The following VPS26C variants were observed in gnomAD, a reference collection of about 807,000 sequenced individuals.
The protein encoded by VPS26C is VPS26 endosomal protein sorting factor C.
Under a neutral mutation model 30.6 loss-of-function variants are expected in VPS26C, and 19 were observed. The ratio of observed to expected loss-of-function variants is 0.62; its 90% CI spans 0.43 to 0.91. The LOEUF (loss-of-function observed/expected upper bound fraction) is 0.91, where lower values mean the gene tolerates loss of function less well. Among genes scored for constraint, VPS26C ranks in the 40% least tolerant of loss-of-function variants. The probability of loss-of-function intolerance (pLI) is 0.00; values close to 1 mark genes in which losing one functional copy is unlikely to be tolerated. For missense variants in VPS26C, 318 were observed against 385.1 expected (o/e 0.83, Z 1.46); for synonymous variants, 132 against 151.5 (o/e 0.87, Z 0.95).
chr21:37,265,462 T>C (rs1330872832), intron 1 of VPS26C, among the ~76,000 whole-genome samples: 2 of 152,210 alleles, frequency 1.3e-5, no homozygotes, highest in Non-Finnish European at 2.9e-5. Flanking sequence ...TACTTCAGCA[T>C]GTGGAGTATT....
At chr21:37,260,604 C>A (rs1191195097) in intron 1 of VPS26C, among the ~76,000 whole-genome samples, 1 of 152,142 alleles carries the variant, frequency 6.6e-6, no homozygotes, top group Non-Finnish European at 1.5e-5. Flanking sequence ...ATGCTGCAAG[C>A]TTGGAGAAAG....
rs1418133843 is a variant in VPS26C, at chr21:37,266,947, A to ACCCTTG, written c.57+290_57+291insCAAGGG. 4 of 405,914 alleles carry ACCCTTG rather than the reference A, an allele frequency of 9.9e-6. No individual in the cohort carries two copies. The Admixed American group carries it at 1.9e-4, about 20-fold the overall frequency. The allele number at this position is 405,914 out of a possible 1,614,324, so 25.1% of individuals were successfully genotyped here. On this transcript the variant is annotated intron_variant, in intron 1 of 7. Transcript: ENST00000309117. ...GAGAACCCAACACCGCCGGGTGTTC[A>ACCCTTG]AGGGGCCAGATGGGAAGAGCGCAGC...
chr21:37,261,082 T>C (rs563875908), intron 1 of VPS26C: 4 of 152,196 alleles, frequency 2.6e-5, no homozygotes, highest in Admixed American at 1.3e-4. Context: ...AATACAAAGA[T>C]AAACAAAACC....
chr21:37,233,641 A>G lies in VPS26C; in HGVS notation c.352-199T>C, dbSNP rs2085990006. 6.6e-6 allele frequency among the ~76,000 whole-genome samples: 1 copy of G among 152,244 alleles called. No individual in the cohort carries two copies. Among genetic ancestry groups the G allele is most frequent in the Non-Finnish European group, 1.5e-5 (1 of 68,042 alleles). ...AAATAAAGGCATTTCTGTTTTAAAA[A>G]TGAACCACTTTAAGGTTATTCTTCA... On this transcript the variant is annotated intron_variant, in intron 3 of 7. Coordinates refer to ENST00000309117, the MANE Select transcript of VPS26C (RefSeq NM_006052.2). This position sits in a 1 kb window ranked among gnomAD's most constrained non-coding sequence, Gnocchi z 5.2.
At chr21:37,247,991 C>G (rs577513024) in intron 1 of VPS26C, among the ~76,000 whole-genome samples, 1 of 151,976 alleles carries the variant, frequency 6.6e-6, no homozygotes, top group Admixed American at 6.6e-5. Context: ...GGCAGCATAG[C>G]GAGACCCTGT....
intron 1 of VPS26C, among the ~76,000 whole-genome samples, chr21:37,243,197 C>T (rs1466351191): frequency 6.6e-6 from 1 of 152,122 alleles, no homozygotes; most frequent in African/African-American, 2.4e-5. Flanking sequence ...TTCGTCTAGA[C>T]TTTCATCAGG....
intron 1 of VPS26C, among the ~76,000 whole-genome samples, chr21:37,245,824 A>T (rs1016778497): frequency 1.3e-5 from 2 of 152,340 alleles, no homozygotes; most frequent in Middle Eastern, 6.8e-3. Flanking sequence ...GATGAACACA[A>T]AACAGAGCTA....
In VPS26C at chr21:37,225,267, A is replaced by G; in HGVS notation, c.*277T>C. On this transcript the variant is annotated 3_prime_UTR_variant, in exon 8 of 8. Coordinates refer to ENST00000309117, the MANE Select transcript of VPS26C (RefSeq NM_006052.2). ...GTACCTAAAAAGGAACAGATAAGGC[A>G]AGAGCCACAGTCAATGTTTTCTGTG... The G allele has an allele frequency of 2.0e-6, 1 of 488,688 alleles. No individual in the cohort carries two copies. Among genetic ancestry groups the G allele is most frequent in the Non-Finnish European group, 3.7e-6 (1 of 267,316 alleles). 30.3% of individuals were successfully genotyped at this position (488,688 alleles called of 1,614,324 possible).
chr21:37,261,438 T>C (rs573085215), intron 1 of VPS26C: 1 of 152,342 alleles, frequency 6.6e-6, no homozygotes, highest in Non-Finnish European at 1.5e-5. Context: ...TTGATTGTCA[T>C]TCCCATGTTA....
intron 1 of VPS26C, among the ~76,000 whole-genome samples, chr21:37,248,852 A>G (rs1175076766): frequency 6.6e-6 from 1 of 152,168 alleles, no homozygotes; most frequent in Non-Finnish European, 1.5e-5. Context: ...GTCCTAAATA[A>G]AATATTAGCA....
At chr21:37,240,098 A>C (rs539335405) in intron 2 of VPS26C, among the ~76,000 whole-genome samples, 149 of 152,318 alleles carry the variant, frequency 9.8e-4, no homozygotes, top group African/African-American at 3.2e-3. Flanking sequence ...CAATAAAGGC[A>C]CACAGCAAGT....
chr21:37,223,729 A>G lies in VPS26C; in HGVS notation c.*1815T>C, dbSNP rs1277910941. 1 of 152,280 alleles carries G rather than the reference A, an allele frequency of 6.6e-6. No homozygotes were observed. The highest frequency in any genetic ancestry group is 1.5e-5 in the Non-Finnish European group (1 of 68,056). 9.4% of individuals were successfully genotyped at this position (152,280 alleles called of 1,614,324 possible). A position where few individuals can be genotyped will look rare whatever the true frequency, so the allele number is the denominator to read the frequency against. On this transcript the variant is annotated 3_prime_UTR_variant, in exon 8 of 8. Transcript: ENST00000309117. Reference sequence around the variant, plus strand: ...TTAATTTCATGGGTGAAGCCCCTGGATAAAGCAGTGCCTAAATCAGGCTTG... The same window carrying G: ...TTAATTTCATGGGTGAAGCCCCTGGGTAAAGCAGTGCCTAAATCAGGCTTG...
intron 1 of VPS26C, among the ~76,000 whole-genome samples, chr21:37,264,390 G>A (rs1359397472): frequency 6.6e-6 from 1 of 152,160 alleles, no homozygotes; most frequent in Non-Finnish European, 1.5e-5. Context: ...GTGACCCGCA[G>A]GAAGTGGTCC....
intron 1 of VPS26C, among the ~76,000 whole-genome samples, chr21:37,255,218 C>G (rs541771868): frequency 6.6e-6 from 1 of 152,126 alleles, no homozygotes; most frequent in Non-Finnish European, 1.5e-5. Context: ...TTCTGCCCAT[C>G]GGTTCCTAAT....
intron 5 of VPS26C, among the ~76,000 whole-genome samples, chr21:37,230,016 GCCACCACAC>G (rs2085945217): frequency 6.6e-6 from 1 of 152,124 alleles, no homozygotes; most frequent in African/African-American, 2.4e-5. Flanking sequence ...ACGATCGCAT[GCCACCACAC>G]CCAGCTAATT....
intron 1 of VPS26C, among the ~76,000 whole-genome samples, chr21:37,248,449 A>C (rs1384294959): frequency 6.6e-6 from 1 of 152,170 alleles, no homozygotes; most frequent in African/African-American, 2.4e-5. Flanking sequence ...AATGGAGGTA[A>C]TTAAAAGATA....
chr21:37,248,985 G>A (rs2096496), intron 1 of VPS26C, among the ~76,000 whole-genome samples: 49,042 of 151,912 alleles, frequency 0.32, 8,275 homozygotes, highest in East Asian at 0.49. Context: ...TAGCTATTAA[G>A]AGAAAAATTA....
rs1196494969 is a variant in VPS26C, at chr21:37,257,818, C to T, written c.57+9420G>A. 6.6e-6 allele frequency among the ~76,000 whole-genome samples: 1 copy of T among 152,148 alleles called. No individual in the cohort carries two copies. Among genetic ancestry groups the T allele is most frequent in the Non-Finnish European group, 1.5e-5 (1 of 68,028 alleles). On this transcript the variant is annotated intron_variant, in intron 1 of 7. Transcript: ENST00000309117. The surrounding 1 kb of genome is among the most constrained non-coding windows in gnomAD (Gnocchi z 4.2). Reference sequence around the variant, plus strand: ...GCAAGGGACCGGCGGAAAGGAAAGTCGGCGTTAGCTGGATTGGAAACAGTC... The same window carrying T: ...GCAAGGGACCGGCGGAAAGGAAAGTTGGCGTTAGCTGGATTGGAAACAGTC...
rs373211007 is a variant in VPS26C at position 37,232,511 on chromosome 21, T to G, written c.433-60A>C. 6.5e-5 allele frequency: 93 copies of G among 1,422,196 alleles called. 1 individual carries two copies. The African/African-American group carries it at 1.1e-3, about 17-fold the overall frequency. The allele number at this position is 1,422,196 out of a possible 1,614,324, so 88.1% of individuals were successfully genotyped here. A position where few individuals can be genotyped will look rare whatever the true frequency, so the allele number is the denominator to read the frequency against. ...AAGGCCAAGAGTTCTGCAGGTCAAA[T>G]AGCTTTTCCCTTTCAAAAATAAACC... On this transcript the variant is annotated intron_variant, in intron 4 of 7. Transcript: ENST00000309117.
Sources: gnomAD v4.1 joint callset for allele counts (sites outside exome capture counted in the v4.1 genomes callset) on GRCh38, gnomAD v4.1.1 for gene constraint, Gnocchi (gnomAD v3.1) non-coding constraint, MANE v1.5 for transcripts, NCBI Gene and HGNC (gene_info 2026-07-23, HGNC 2026-07-21) for gene names.